The following PHLPP1 variants were observed in gnomAD, a reference collection of about 807,000 sequenced individuals.
PHLPP1 encodes PH domain and leucine rich repeat protein phosphatase 1, also known as PH domain leucine-rich repeat-containing protein phosphatase 1.
PHLPP1 carries 42 observed loss-of-function variants against 117.2 expected under a neutral mutation model. The ratio of observed to expected loss-of-function variants is 0.36; its 90% CI spans 0.28 to 0.46. PHLPP1 has a LOEUF of 0.46. Ranked by LOEUF, PHLPP1 falls within the 20% of genes least tolerant of loss-of-function variation. PHLPP1 has a pLI of 1.00. For missense variants in PHLPP1, 2,084 were observed against 2,241.9 expected, an observed-to-expected ratio of 0.93 and a Z score of 1.42; for synonymous variants, 1,042 against 970.7, an observed-to-expected ratio of 1.07 and a Z score of -1.37.
intron 10 of PHLPP1, among the ~76,000 whole-genome samples, chr18:62,934,782 T>C (rs1026852093): frequency 3.3e-5 from 5 of 152,214 alleles, no homozygotes; most frequent in African/African-American, 1.2e-4. Flanking sequence ...AGCTCATGTG[T>C]GGATAAACAA....
intron 1 of PHLPP1, among the ~76,000 whole-genome samples, chr18:62,763,508 C>T (rs934730093): frequency 2.0e-5 from 3 of 152,190 alleles, no homozygotes; most frequent in Admixed American, 1.3e-4. Context: ...CAGCCTTTTG[C>T]AGCCTGTACT....
At position 62,874,654 on chromosome 18, in the gene PHLPP1, C is replaced by CGT. The variant is rs1464454435; in HGVS notation, c.2066+14054_2066+14055insTG. ...TCCCATCACAGGGCGCGCACGCACG[C>CGT]GCGCACACACACACACACACACACA... is the stretch of plus-strand genomic sequence containing the variant. On this transcript the variant is annotated intron_variant, in intron 4 of 16. Transcript: ENST00000262719. 1.4e-3 allele frequency among the ~76,000 whole-genome samples: 77 copies of CGT among 57,006 alleles called. 1 individual carries two copies. In the East Asian group the frequency reaches 0.014, roughly 10 times the overall value. 37.4% of individuals were successfully genotyped at this position (57,006 alleles called of 152,430 possible). A position where few individuals can be genotyped will look rare whatever the true frequency, so the allele number is the denominator to read the frequency against.
intron 3 of PHLPP1, among the ~76,000 whole-genome samples, chr18:62,858,196 G>A (rs539808011): frequency 2.6e-5 from 4 of 151,516 alleles, no homozygotes; most frequent in Admixed American, 6.6e-5. Flanking sequence ...TCTCACCCCA[G>A]TATACCTTTA....
chr18:62,799,320 G>A (rs1777261694), intron 1 of PHLPP1, among the ~76,000 whole-genome samples: 1 of 152,212 alleles, frequency 6.6e-6, no homozygotes. Context: ...GCAAGACTCT[G>A]AGGATGTACA....
chr18:62,980,420 GA>G lies in PHLPP1; in HGVS notation c.*992del, dbSNP rs1460997371. 6.6e-6 allele frequency: 1 copy of G among 152,598 alleles called. No homozygotes were observed. Among genetic ancestry groups the G allele is most frequent in the African/African-American group, 2.4e-5 (1 of 41,426 alleles). The allele number at this position is 152,598 out of a possible 1,614,324, so 9.5% of individuals were successfully genotyped here. A position where few individuals can be genotyped will look rare whatever the true frequency, so the allele number is the denominator to read the frequency against. ...TCATAATTTTTGTTACAATAAATAT[GA>G]AATTTACAAGTATTTACAAGTATCT... On this transcript the variant is annotated 3_prime_UTR_variant, in exon 17 of 17. Coordinates refer to ENST00000262719, the MANE Select transcript of PHLPP1 (RefSeq NM_194449.4).
intron 10 of PHLPP1, among the ~76,000 whole-genome samples, chr18:62,924,872 T>TA (rs774025372): frequency 1.3e-5 from 2 of 150,560 alleles, no homozygotes; most frequent in Non-Finnish European, 3.0e-5. Flanking sequence ...AACTTTAGAA[T>TA]AGTATATATT....
chr18:62,850,819 A>C (rs1350986809), intron 3 of PHLPP1, among the ~76,000 whole-genome samples: 1 of 152,146 alleles, frequency 6.6e-6, no homozygotes, highest in Non-Finnish European at 1.5e-5. Flanking sequence ...AAGAGTCCAC[A>C]TTTTCACTTT....
chr18:62,887,516 C>T (rs960530139), intron 4 of PHLPP1, among the ~76,000 whole-genome samples: 1 of 152,176 alleles, frequency 6.6e-6, no homozygotes, highest in African/African-American at 2.4e-5. Flanking sequence ...GGTTTGGTGT[C>T]TGGTGAGGAC....
At chr18:62,753,137 G>A (rs1322672879) in intron 1 of PHLPP1, among the ~76,000 whole-genome samples, 2 of 152,198 alleles carry the variant, frequency 1.3e-5, no homozygotes, top group Non-Finnish European at 2.9e-5. Context: ...GAGAGAAATA[G>A]TGCAGAGCTT....
intron 9 of PHLPP1, among the ~76,000 whole-genome samples, chr18:62,917,980 G>T (rs11660841): frequency 6.6e-6 from 1 of 151,770 alleles, no homozygotes; most frequent in African/African-American, 2.4e-5. Context: ...CGAGGCAGGC[G>T]GATCAACTGA....
intron 4 of PHLPP1, among the ~76,000 whole-genome samples, chr18:62,894,423 C>A (rs1916502873): frequency 1.3e-5 from 2 of 152,280 alleles, no homozygotes; most frequent in South Asian, 4.2e-4. Flanking sequence ...TCCCAAACTT[C>A]TGGCCTCAAG....
chr18:62,855,159 AGGC>A (rs1212670546), intron 3 of PHLPP1, among the ~76,000 whole-genome samples: 1 of 152,244 alleles, frequency 6.6e-6, no homozygotes, highest in Non-Finnish European at 1.5e-5. Flanking sequence ...ATCACAAAGA[AGGC>A]ACTACTTAAA....
At chr18:62,804,926 AGG>A (rs1343136865) in intron 1 of PHLPP1, among the ~76,000 whole-genome samples, 2 of 149,536 alleles carry the variant, frequency 1.3e-5, no homozygotes, top group African/African-American at 4.9e-5. Context: ...TACACTGCAT[AGG>A]TTATACATAT....
At chr18:62,945,839 G>A (rs777591351) in intron 12 of PHLPP1, among the ~76,000 whole-genome samples, 3 of 152,226 alleles carry the variant, frequency 2.0e-5, no homozygotes, top group Non-Finnish European at 4.4e-5. Context: ...GTGCTGAAAA[G>A]TGAAGCAATC....
chr18:62,883,096 A>T (rs1916206668), intron 4 of PHLPP1, among the ~76,000 whole-genome samples: 1 of 152,182 alleles, frequency 6.6e-6, no homozygotes, highest in African/African-American at 2.4e-5. Context: ...TGTAAAAAAT[A>T]AAATATATAT....
At chr18:62,771,412 T>C (rs998946555) in intron 1 of PHLPP1, among the ~76,000 whole-genome samples, 1 of 152,134 alleles carries the variant, frequency 6.6e-6, no homozygotes, top group Non-Finnish European at 1.5e-5. Context: ...GAAAAAATAA[T>C]GTGTTCATGG....
At chr18:62,946,670 C>T (rs972239708) in intron 12 of PHLPP1, among the ~76,000 whole-genome samples, 3 of 152,162 alleles carry the variant, frequency 2.0e-5, no homozygotes, top group African/African-American at 7.2e-5. Context: ...CGCATGTGCA[C>T]GTATGCTTTA....
intron 2 of PHLPP1, among the ~76,000 whole-genome samples, chr18:62,830,867 C>G (rs1914739211): frequency 6.6e-6 from 1 of 152,132 alleles, no homozygotes; most frequent in South Asian, 2.1e-4. Context: ...GTAGAGTATA[C>G]TCATCCTTAA....
chr18:62,821,978 C>T (rs1177888501), intron 1 of PHLPP1, among the ~76,000 whole-genome samples: 2 of 152,042 alleles, frequency 1.3e-5, no homozygotes, highest in Non-Finnish European at 2.9e-5. Flanking sequence ...TAGCTGTAGT[C>T]CTAGCCACTC....
Sources: gnomAD v4.1 joint callset for allele counts (sites outside exome capture counted in the v4.1 genomes callset) on GRCh38, gnomAD v4.1.1 for gene constraint, MANE v1.5 for transcripts, NCBI Gene and HGNC (gene_info 2026-07-23, HGNC 2026-07-21) for gene names.